WASHC4: variants seen among roughly 807,000 people sequenced by gnomAD.
WASHC4 encodes the protein WASH complex subunit 4.
Under a neutral mutation model 166.6 loss-of-function variants are expected in WASHC4, and 86 were observed. The observed-to-expected ratio is 0.52, with a 90% CI of 0.43 to 0.62. WASHC4 has a LOEUF of 0.62. Ranked by LOEUF, WASHC4 falls within the 20% of genes least tolerant of loss-of-function variation. The pLI is 0.00. For synonymous variants in WASHC4, 446 were observed against 451.6 expected (o/e 0.99, Z 0.16); for missense variants, 1,262 against 1,382.4 (o/e 0.91, Z 1.38).
chr12:105,120,496 TAAG>T, intron 7 of WASHC4, 56 bp from the exon 8 acceptor site: 1 of 986,156 alleles, frequency 1.0e-6, no homozygotes, highest in Non-Finnish European at 1.6e-6. Flanking sequence ...GTATTTGAAA[TAAG>T]AATAAACTAT....
At chr12:105,160,577 C>A (rs966548615) in intron 29 of WASHC4, among the ~76,000 whole-genome samples, 5 of 152,168 alleles carry the variant, frequency 3.3e-5, no homozygotes, top group Non-Finnish European at 7.4e-5. Context: ...GTCTTGAACT[C>A]CTGGGCTCAA....
chr12:105,148,264 C>G, intron 24 of WASHC4: 1 of 985,192 alleles, frequency 1.0e-6, no homozygotes, highest in Non-Finnish European at 1.2e-6. Flanking sequence ...GAAGAGTCAT[C>G]CATGTAATGA....
intron 25 of WASHC4, among the ~76,000 whole-genome samples, chr12:105,151,856 T>G (rs1883799377): frequency 6.6e-6 from 1 of 152,242 alleles, no homozygotes. Context: ...AATTGCTTTC[T>G]TATTATTACA....
intron 15 of WASHC4, among the ~76,000 whole-genome samples, chr12:105,138,496 T>TA (rs1882516199): frequency 6.6e-6 from 1 of 152,110 alleles, no homozygotes; most frequent in South Asian, 2.1e-4. Flanking sequence ...GTGGACTACT[T>TA]ACAGAGGTGG....
At chr12:105,115,251 G>A (rs199964303) in intron 5 of WASHC4, 22 bp downstream of exon 5, 5 of 1,464,276 alleles carry the variant, frequency 3.4e-6, no homozygotes, top group Non-Finnish European at 4.8e-6. Context: ...ATTCCAAATT[G>A]TGATGCCTTT....
chr12:105,144,582 T>G, intron 21 of WASHC4, 127 bp downstream of exon 21: 1 of 1,176,844 alleles, frequency 8.5e-7, no homozygotes, highest in African/African-American at 1.6e-5. Context: ...ATTTTGTTTC[T>G]TTTCTCATTT....
Position 105,121,206 on chromosome 12 carries a change from T to C in WASHC4, c.665+2T>C. 3 of 1,473,886 alleles carry C rather than the reference T, an allele frequency of 2.0e-6. No individual in the cohort carries two copies. The highest frequency in any genetic ancestry group is 2.8e-6 in the Non-Finnish European group (3 of 1,053,576). 91.3% of individuals were successfully genotyped at this position (1,473,886 alleles called of 1,614,324 possible). A position where few individuals can be genotyped will look rare whatever the true frequency, so the allele number is the denominator to read the frequency against. ...AGACCACTGGACTATGTACAAAAGGTACACCAATTAAAATATTTTAAAATG... is the reference window on the plus strand; with the variant it reads ...AGACCACTGGACTATGTACAAAAGGCACACCAATTAAAATATTTTAAAATG... On this transcript the variant is annotated splice_donor_variant, in intron 9 of 32. Coordinates refer to ENST00000332180, the MANE Select transcript of WASHC4 (RefSeq NM_015275.3). LOFTEE classifies it high-confidence loss of function.
intron 32 of WASHC4, among the ~76,000 whole-genome samples, chr12:105,165,071 C>G (rs1392113829): frequency 6.6e-6 from 1 of 152,152 alleles, no homozygotes; most frequent in Non-Finnish European, 1.5e-5. Context: ...AGGAGGACAG[C>G]TAAATGTTGC....
At chr12:105,164,027 T>TATA in intron 30 of WASHC4, 84 bp from the exon 31 acceptor site, 3 of 1,171,216 alleles carry the variant, frequency 2.6e-6, no homozygotes. Flanking sequence ...TCAGAATGCT[T>TATA]AGTGTTGGGA....
intron 13 of WASHC4, among the ~76,000 whole-genome samples, chr12:105,133,337 T>G (rs565153512): frequency 5.3e-5 from 8 of 152,354 alleles, no homozygotes; most frequent in Non-Finnish European, 1.0e-4. Context: ...CTTCAAACTT[T>G]GGCTCAAAAT....
At chr12:105,126,574 G>C (rs1051672212) in intron 12 of WASHC4, among the ~76,000 whole-genome samples, 3 of 152,076 alleles carry the variant, frequency 2.0e-5, no homozygotes, top group Middle Eastern at 3.4e-3. Flanking sequence ...ATGGTGTTCA[G>C]ATTTGTTCCT....
At chr12:105,129,095 A>C (rs1163584093) in intron 13 of WASHC4, among the ~76,000 whole-genome samples, 1 of 151,730 alleles carries the variant, frequency 6.6e-6, no homozygotes, top group Non-Finnish European at 1.5e-5. Context: ...ACAGGCACCC[A>C]CCACCACGCC....
intron 10 of WASHC4, among the ~76,000 whole-genome samples, chr12:105,123,718 G>T (rs1008766933): frequency 2.0e-5 from 3 of 152,194 alleles, no homozygotes; most frequent in Non-Finnish European, 4.4e-5. Context: ...TTATCCAGAA[G>T]ATCTGGCTAA....
chr12:105,149,941 T>A (rs1883602337), intron 25 of WASHC4, among the ~76,000 whole-genome samples, 192 bp downstream of exon 25: 1 of 152,140 alleles, frequency 6.6e-6, no homozygotes, highest in Non-Finnish European at 1.5e-5. Context: ...GTGATACTTT[T>A]TCTTTATTTT....
rs535871816 is a variant in WASHC4, at chr12:105,167,245, A to T, written c.*314A>T. On this transcript the variant is annotated 3_prime_UTR_variant, in exon 33 of 33. Coordinates refer to ENST00000332180, the MANE Select transcript of WASHC4 (RefSeq NM_015275.3). ...TATCACCTCGGATTTCTTGTAATCT[A>T]CATGTTTGTAATTTGTATTTGCATA... The T allele has an allele frequency of 1.5e-4, 50 of 330,386 alleles. 1 individual carries two copies. In the East Asian group the frequency reaches 3.1e-3, roughly 21 times the overall value. 20.5% of individuals were successfully genotyped at this position (330,386 alleles called of 1,614,324 possible).
At position 105,144,898 on chromosome 12, in the gene WASHC4, CA is replaced by C. The variant is rs767571703; in HGVS notation, c.2334+27del. The C allele has an allele frequency of 2.5e-6, 4 of 1,591,414 alleles. No individual in the cohort carries two copies. The African/African-American group carries it at 5.4e-5, about 21-fold the overall frequency. ...GTATAGTATAAAATGTTTTTTTTAGCATACTGTGACTGTTGGCTGTAACAGT... is the reference window on the plus strand; with the variant it reads ...GTATAGTATAAAATGTTTTTTTTAGCTACTGTGACTGTTGGCTGTAACAGT... On this transcript the variant is annotated intron_variant, in intron 22 of 32. Coordinates refer to ENST00000332180, the MANE Select transcript of WASHC4 (RefSeq NM_015275.3).
chr12:105,147,558 T>C, intron 24 of WASHC4: 1 of 999,916 alleles, frequency 1.0e-6, no homozygotes, highest in East Asian at 8.9e-5. Flanking sequence ...TTGCTAATTA[T>C]TTGATGTCCA....
intron 15 of WASHC4, among the ~76,000 whole-genome samples, chr12:105,138,257 A>T (rs1198965665): frequency 6.6e-6 from 1 of 152,058 alleles, no homozygotes; most frequent in African/African-American, 2.4e-5. Flanking sequence ...CAGTAAAAAA[A>T]AAAGTTAATG....
At chr12:105,131,329 A>G (rs542300659) in intron 13 of WASHC4, among the ~76,000 whole-genome samples, 93 of 146,046 alleles carry the variant, frequency 6.4e-4, no homozygotes, top group African/African-American at 2.0e-3. Context: ...CTCATGATCC[A>G]CCCGCCTCGG....
Sources: allele counts gnomAD v4.1 joint callset (sites outside exome capture counted in the v4.1 genomes callset), GRCh38; gene constraint gnomAD v4.1.1; transcripts MANE v1.5; gene names NCBI Gene and HGNC (gene_info 2026-07-23, HGNC 2026-07-21).